Variants in SCIN observed in about 807,000 individuals in gnomAD.
SCIN encodes scinderin.
Under a neutral mutation model 91.8 loss-of-function variants are expected in SCIN, and 91 were observed. The observed-to-expected ratio is 0.99, with a 90% CI of 0.84 to 1.18. The LOEUF (loss-of-function observed/expected upper bound fraction) is 1.18. Ranked by LOEUF, SCIN falls within the 50% of genes most tolerant of loss-of-function variation. SCIN has a pLI of 0.00. For synonymous variants in SCIN, 367 were observed against 312.6 expected (o/e 1.17, Z -1.84); for missense variants, 1,087 against 863.9 (o/e 1.26, Z -3.24).
rs764534533 is a variant in SCIN, at chr7:12,625,132, C to T, written c.882C>T (p.Phe294=). 2.2e-5 allele frequency: 35 copies of T among 1,607,864 alleles called. No homozygotes were observed. Among genetic ancestry groups the T allele is most frequent in the Middle Eastern group, 1.6e-4 (1 of 6,066 alleles). ...ILDHGAAKQI[F]VWKGKDANPQ... is the part of the protein sequence containing the mutation. Reference sequence around the variant, plus strand: ...ACCACGGGGCTGCCAAACAAATTTTCGTATGGAAAGGTAAAAAATTCCATT... The same window carrying T: ...ACCACGGGGCTGCCAAACAAATTTTTGTATGGAAAGGTAAAAAATTCCATT... Residue 294 remains phenylalanine, a synonymous_variant, in exon 6 of 16, where the codon TTC becomes TTT. Coordinates refer to ENST00000297029, the MANE Select transcript of SCIN (RefSeq NM_001112706.3).
chr7:12,648,283 T>TTC (rs1181601531), intron 13 of SCIN, among the ~76,000 whole-genome samples: 26 of 151,296 alleles, frequency 1.7e-4, no homozygotes, highest in Middle Eastern at 3.4e-3. Context: ...TATTGACTTT[T>TTC]TCTCTCTCTC....
rs189367241 is a variant in SCIN, at chr7:12,622,772, C to A, written c.667-29C>A. The A allele has an allele frequency of 1.3e-5, 19 of 1,476,074 alleles. No individual in the cohort carries two copies. The East Asian group carries it at 4.3e-4, about 33-fold the overall frequency. The allele number at this position is 1,476,074 out of a possible 1,614,324, so 91.4% of individuals were successfully genotyped here. A position where few individuals can be genotyped will look rare whatever the true frequency, so the allele number is the denominator to read the frequency against. ...GCATCCTTCAATGGGAGATCTTTAT[C>A]TTTGCATCCACTGCTCACTTTTTTC... On this transcript the variant is annotated intron_variant, in intron 4 of 15. Coordinates refer to ENST00000297029, the MANE Select transcript of SCIN (RefSeq NM_001112706.3).
rs1291926880 is a variant in SCIN, at chr7:12,636,459, G to A, written c.1410+324G>A. On this transcript the variant is annotated intron_variant, in intron 10 of 15. Transcript: ENST00000297029. ...ATCTGTATTACTGTTTCCAGCTGTT[G>A]TTCAACAGATACAGTAGGCAGAATA... Among the ~76,000 whole-genome samples the A allele has an allele frequency of 2.6e-5, 4 of 152,144 alleles. No homozygotes were observed. In the East Asian group the frequency reaches 5.8e-4, roughly 22 times the overall value.
intron 2 of SCIN, 65 bp from the exon 3 acceptor site, chr7:12,580,995 T>C: frequency 6.7e-7 from 1 of 1,501,252 alleles, no homozygotes; most frequent in East Asian, 2.5e-5. Context: ...CTTTGCTTTG[T>C]CTAGGCAGAC....
At chr7:12,629,367 C>A in intron 9 of SCIN, 145 bp downstream of exon 9, 2 of 777,238 alleles carry the variant, frequency 2.6e-6, no homozygotes, top group Non-Finnish European at 3.7e-6. Flanking sequence ...TTTCTTTTTA[C>A]ATGATTTTGA....
chr7:12,598,129 A>G (rs1251464424), intron 3 of SCIN, among the ~76,000 whole-genome samples: 1 of 152,234 alleles, frequency 6.6e-6, no homozygotes, highest in Admixed American at 6.5e-5. Context: ...TTTAAACTAA[A>G]TTCTGTTAAA....
intron 8 of SCIN, among the ~76,000 whole-genome samples, chr7:12,628,218 T>TC (rs1666684259): frequency 1.3e-5 from 2 of 152,172 alleles, no homozygotes; most frequent in Non-Finnish European, 2.9e-5. Context: ...CCTGCTTTTC[T>TC]CCCAGCATCA....
chr7:12,604,005 T>A (rs911861671), intron 3 of SCIN, among the ~76,000 whole-genome samples: 24 of 152,070 alleles, frequency 1.6e-4, no homozygotes, highest in Non-Finnish European at 1.5e-5. Context: ...TGATAAGAAT[T>A]GTTAAATTGC....
At chr7:12,622,743 C>A in intron 4 of SCIN, 58 bp from the exon 5 acceptor site, 3 of 1,166,370 alleles carry the variant, frequency 2.6e-6, no homozygotes, top group Non-Finnish European at 2.6e-6. Context: ...ATTTTTCTAA[C>A]TCTGCATCCT....
chr7:12,657,811 TG>T lies in SCIN; in HGVS notation c.*5097del. On this transcript the variant is annotated 3_prime_UTR_variant, in exon 16 of 16. Coordinates refer to ENST00000297029, the MANE Select transcript of SCIN (RefSeq NM_001112706.3). The stretch of plus-strand genomic sequence containing the variant: ...CTAGTTTATAATTGACTATGGCATT[TG>T]CATGCATTTCATCATGTCTCCATTT... 6.6e-6 allele frequency: 1 copy of T among 151,770 alleles called. No individual in the cohort carries two copies. The highest frequency in any genetic ancestry group is 1.9e-4 in the East Asian group (1 of 5,132). The allele number at this position is 151,770 out of a possible 1,614,324, so 9.4% of individuals were successfully genotyped here.
intron 4 of SCIN, among the ~76,000 whole-genome samples, chr7:12,609,128 T>G (rs995560160): frequency 6.6e-6 from 1 of 152,174 alleles, no homozygotes; most frequent in Non-Finnish European, 1.5e-5. Flanking sequence ...AAGCACATTG[T>G]AGAGTAAAAG....
chr7:12,594,847 C>T (rs973787545), intron 3 of SCIN, among the ~76,000 whole-genome samples: 1 of 152,072 alleles, frequency 6.6e-6, no homozygotes, highest in African/African-American at 2.4e-5. Context: ...AAGCCCTTGG[C>T]CCAGCGCTGG....
intron 3 of SCIN, among the ~76,000 whole-genome samples, chr7:12,597,682 G>A (rs1315740134): frequency 2.6e-5 from 4 of 152,176 alleles, no homozygotes; most frequent in African/African-American, 2.4e-5. Flanking sequence ...CTCCCCAAAT[G>A]TGGTTGTTTC....
intron 13 of SCIN, among the ~76,000 whole-genome samples, chr7:12,648,598 T>C (rs868845561): frequency 7.9e-5 from 12 of 152,224 alleles, no homozygotes; most frequent in Middle Eastern, 3.4e-3. Flanking sequence ...CCCAGCCCTA[T>C]TGACTTTTTA....
intron 4 of SCIN, among the ~76,000 whole-genome samples, chr7:12,613,020 C>T (rs567928233): frequency 6.6e-6 from 1 of 152,184 alleles, no homozygotes; most frequent in East Asian, 1.9e-4. Flanking sequence ...TCAATAGACT[C>T]TGTAAATAGG....
intron 14 of SCIN, among the ~76,000 whole-genome samples, chr7:12,649,968 C>A (rs1583325349): frequency 6.6e-6 from 1 of 152,146 alleles, no homozygotes; most frequent in East Asian, 1.9e-4. Flanking sequence ...AAGAAACAGG[C>A]AGAATAGTTT....
intron 4 of SCIN, among the ~76,000 whole-genome samples, chr7:12,613,417 C>T (rs1033107296): frequency 2.6e-5 from 4 of 152,094 alleles, no homozygotes; most frequent in African/African-American, 7.2e-5. Flanking sequence ...ACATATTGTG[C>T]TTAGAGTTAG....
intron 3 of SCIN, among the ~76,000 whole-genome samples, chr7:12,598,035 T>C (rs1022499945): frequency 2.0e-5 from 3 of 152,162 alleles, no homozygotes; most frequent in Non-Finnish European, 4.4e-5. Context: ...CTTAAGATCT[T>C]AGATGGTGAA....
chr7:12,652,211 T>A (rs1325945200), intron 15 of SCIN, among the ~76,000 whole-genome samples: 1 of 152,240 alleles, frequency 6.6e-6, no homozygotes, highest in Non-Finnish European at 1.5e-5. Flanking sequence ...TAAGCCAGAT[T>A]TTTTAAACTT....
Sources: gnomAD v4.1 joint callset for allele counts (sites outside exome capture counted in the v4.1 genomes callset) on GRCh38, gnomAD v4.1.1 for gene constraint, MANE v1.5 for transcripts, NCBI Gene and HGNC (gene_info 2026-07-23, HGNC 2026-07-21) for gene names.